HECW1: variants seen among roughly 807,000 people sequenced by gnomAD.
HECW1 encodes the protein E3 ubiquitin-protein ligase HECW1.
A neutral mutation model predicts 182.3 loss-of-function variants in HECW1; 61 were observed. That is an observed-to-expected ratio of 0.33 (90% CI 0.27 to 0.41). The LOEUF is 0.41. HECW1 is among the 10% of genes least tolerant of loss of function. The pLI is 1.00. For synonymous variants in HECW1, 859 were observed against 832.6 expected (o/e 1.03, Z -0.55); for missense variants, 1,739 against 2,108.9 (o/e 0.82, Z 3.44).
intron 7 of HECW1, among the ~76,000 whole-genome samples, chr7:43,404,493 A>G (rs918245321): frequency 6.6e-6 from 1 of 152,234 alleles, no homozygotes; most frequent in Admixed American, 6.5e-5. Flanking sequence ...CTTTTTAAAA[A>G]AATAAGAACA....
chr7:43,223,446 C>A (rs1449070280), intron 2 of HECW1, among the ~76,000 whole-genome samples: 3 of 152,094 alleles, frequency 2.0e-5, no homozygotes, highest in Non-Finnish European at 4.4e-5. Flanking sequence ...GGTGAAACCC[C>A]ATTTCTACTA....
At chr7:43,421,683 C>T (rs950944927) in intron 8 of HECW1, among the ~76,000 whole-genome samples, 24 of 152,340 alleles carry the variant, frequency 1.6e-4, no homozygotes, top group Admixed American at 1.3e-3. Context: ...AGGTGTTTAA[C>T]TTATTTTGAC....
chr7:43,226,505 G>A (rs977871038), intron 2 of HECW1, among the ~76,000 whole-genome samples: 2 of 152,146 alleles, frequency 1.3e-5, no homozygotes, highest in African/African-American at 4.8e-5. Context: ...TTTTCATCTC[G>A]TGGAAGTAAG....
chr7:43,143,476 G>A (rs1318061659), intron 2 of HECW1, among the ~76,000 whole-genome samples: 1 of 151,790 alleles, frequency 6.6e-6, no homozygotes, highest in East Asian at 1.9e-4. Context: ...GTTAGAGACA[G>A]GCTCTCACCA....
intron 3 of HECW1, among the ~76,000 whole-genome samples, chr7:43,275,050 T>A (rs1286768321): frequency 6.6e-6 from 1 of 152,188 alleles, no homozygotes; most frequent in Non-Finnish European, 1.5e-5. Flanking sequence ...CACTGAGTTA[T>A]CAGGGTCCTC....
At chr7:43,315,784 G>C (rs191905323) in intron 4 of HECW1, among the ~76,000 whole-genome samples, 1 of 152,136 alleles carries the variant, frequency 6.6e-6, no homozygotes, top group Non-Finnish European at 1.5e-5. Context: ...GTGATCCACC[G>C]CGCCTGGCCC....
intron 3 of HECW1, among the ~76,000 whole-genome samples, chr7:43,248,186 TCAGAGATCACC>T (rs1176655538): frequency 1.3e-5 from 2 of 151,968 alleles, no homozygotes; most frequent in Non-Finnish European, 2.9e-5. Context: ...TTGTGTGTCA[TCAGAGATCACC>T]CAGAGATCGC....
At chr7:43,158,295 A>G (rs903421653) in intron 2 of HECW1, among the ~76,000 whole-genome samples, 3 of 152,158 alleles carry the variant, frequency 2.0e-5, no homozygotes, top group Non-Finnish European at 2.9e-5. Context: ...CAGTTTTCCA[A>G]TTTTCTTTGA....
intron 24 of HECW1, among the ~76,000 whole-genome samples, chr7:43,526,713 T>C (rs770772089): frequency 6.6e-6 from 1 of 152,218 alleles, no homozygotes; most frequent in Non-Finnish European, 1.5e-5. Context: ...GATGAAGATA[T>C]AGCAGGGCCA....
intron 5 of HECW1, among the ~76,000 whole-genome samples, chr7:43,354,661 T>C (rs568948206): frequency 2.0e-5 from 3 of 152,080 alleles, no homozygotes; most frequent in African/African-American, 7.2e-5. Context: ...CTACAAGACA[T>C]AGAAAATTAC....
At chr7:43,402,642 G>A (rs1036344653) in intron 7 of HECW1, among the ~76,000 whole-genome samples, 2 of 152,096 alleles carry the variant, frequency 1.3e-5, no homozygotes, top group African/African-American at 2.4e-5. Context: ...AAGAAAACTC[G>A]AGAATTGGGG....
chr7:43,478,134 C>A (rs890566642), intron 16 of HECW1, among the ~76,000 whole-genome samples: 1 of 152,072 alleles, frequency 6.6e-6, no homozygotes, highest in Non-Finnish European at 1.5e-5. Context: ...CGAGAGTGTT[C>A]GGCCAGGCTT....
chr7:43,470,941 G>A (rs2077998667), intron 16 of HECW1, among the ~76,000 whole-genome samples: 1 of 152,180 alleles, frequency 6.6e-6, no homozygotes, highest in South Asian at 2.1e-4. Context: ...AAAAATACAT[G>A]GACTAGTCCA....
chr7:43,389,306 C>G (rs74485317), intron 6 of HECW1, among the ~76,000 whole-genome samples: 16,773 of 152,242 alleles, frequency 0.11, 1,293 homozygotes, highest in Non-Finnish European at 0.17. Flanking sequence ...GGAGCCGTCC[C>G]CAGACTTACA....
At chr7:43,408,687 A>T (rs936781318) in intron 8 of HECW1, among the ~76,000 whole-genome samples, 1 of 152,088 alleles carries the variant, frequency 6.6e-6, no homozygotes, top group Non-Finnish European at 1.5e-5. Context: ...CCCTGTCTCT[A>T]AAAAAGAAAG....
In HECW1 at chr7:43,562,902, G is replaced by GA. The variant is rs933181485; in HGVS notation, c.*985dup. Reference sequence around the variant, plus strand: ...AGTCTAGCCACAGTTCTTCACAAAGGAAAAAAAAATGTGTAGATGATACCA... The same window carrying GA: ...AGTCTAGCCACAGTTCTTCACAAAGGAAAAAAAAAATGTGTAGATGATACCA... On this transcript the variant is annotated 3_prime_UTR_variant, in exon 30 of 30. Coordinates refer to ENST00000395891, the MANE Select transcript of HECW1 (RefSeq NM_015052.5). 6.1e-4 allele frequency: 129 copies of GA among 211,550 alleles called. No individual in the cohort carries two copies. Among genetic ancestry groups the GA allele is most frequent in the Middle Eastern group, 4.3e-3 (3 of 696 alleles). The allele number at this position is 211,550 out of a possible 1,614,324, so 13.1% of individuals were successfully genotyped here.
chr7:43,515,168 A>T (rs748071763), intron 24 of HECW1, among the ~76,000 whole-genome samples: 9 of 152,168 alleles, frequency 5.9e-5, no homozygotes, highest in Non-Finnish European at 1.3e-4. Context: ...TTCACAGCAG[A>T]TGTCAGTTTG....
chr7:43,328,816 A>G (rs767585422), intron 5 of HECW1, among the ~76,000 whole-genome samples: 6 of 152,184 alleles, frequency 3.9e-5, no homozygotes, highest in Non-Finnish European at 7.3e-5. Flanking sequence ...AAAACACTCA[A>G]TCGACATAAA....
chr7:43,307,879 T>TATATATATATATACAC (rs1562811825), intron 3 of HECW1, among the ~76,000 whole-genome samples: 3 of 2,184 alleles, frequency 1.4e-3, no homozygotes, highest in African/African-American at 3.8e-3. Flanking sequence ...CATTTCACTA[T>TATATATATATATACAC]ATATATATAT....
Sources: gnomAD v4.1 joint callset for allele counts (sites outside exome capture counted in the v4.1 genomes callset) on GRCh38, gnomAD v4.1.1 for gene constraint, MANE v1.5 for transcripts, NCBI Gene and HGNC (gene_info 2026-07-23, HGNC 2026-07-21) for gene names.